The following PCDHA6 variants were observed in gnomAD, a reference collection of about 807,000 sequenced individuals.
The protein encoded by PCDHA6 is protocadherin alpha 6, also known as protocadherin alpha-6.
PCDHA6 carries 55 observed loss-of-function variants against 60.3 expected under a neutral mutation model. That is an observed-to-expected ratio of 0.91 (90% confidence interval 0.73 to 1.14). The LOEUF (loss-of-function observed/expected upper bound fraction) is 1.14. Ranked by LOEUF, PCDHA6 falls within the 50% of genes most tolerant of loss-of-function variation. The pLI, the probability that PCDHA6 is intolerant of heterozygous loss-of-function variation, is 0.00. For synonymous variants in PCDHA6, 652 were observed against 557.9 expected (o/e 1.17, Z -2.38); for missense variants, 1,327 against 1,256.5 (o/e 1.06, Z -0.85).
intron 1 of PCDHA6, chr5:140,883,811 G>A: frequency 6.2e-7 from 1 of 1,612,586 alleles, no homozygotes; most frequent in African/African-American, 1.3e-5. Context: ...CGCGGAGAGC[G>A]GCAAGGTGTA....
At position 140,829,598 on chromosome 5, in the gene PCDHA6, G is replaced by T. The variant is rs2150170888; in HGVS notation, c.1507G>T (p.Ala503Ser). Reference protein sequence around the residue: ...SLVERRVGERALSSYISVHAE... With the variant: ...SLVERRVGERSLSSYISVHAE... ...GGTGGAGCGGCGGGTGGGCGAGCGC[G>T]CGTTGTCGAGCTACATTTCGGTGCA... is the stretch of plus-strand genomic sequence containing the variant. Residue 503 changes from alanine to serine, a missense_variant, in exon 1 of 4, where the codon GCG becomes TCG. Coordinates refer to ENST00000529310, the MANE Select transcript of PCDHA6 (RefSeq NM_018909.4). 6 of 1,611,956 alleles carry T rather than the reference G, an allele frequency of 3.7e-6. No individual in the cohort carries two copies. Among genetic ancestry groups the T allele is most frequent in the East Asian group, 2.2e-5 (1 of 44,876 alleles).
chr5:140,862,289 G>T (rs782742229), intron 1 of PCDHA6: 4 of 264,626 alleles, frequency 1.5e-5, no homozygotes, highest in Non-Finnish European at 3.0e-5. Context: ...TGTACAGGAG[G>T]ACGCTCCACT....
intron 3 of PCDHA6, among the ~76,000 whole-genome samples, chr5:140,997,525 A>G (rs1293979369): frequency 6.6e-6 from 1 of 152,242 alleles, no homozygotes; most frequent in African/African-American, 2.4e-5. Flanking sequence ...AAAAAGTACA[A>G]TAAAAATACA....
Position 140,852,281 on chromosome 5 carries a change from T to C in PCDHA6, c.2394+21796T>C, listed in dbSNP as rs2150514779. ...ATGCTACAATATTACATGTTTTTTG[T>C]CTTTTTATTTTTCTGAGACGGAGTC... On this transcript the variant is annotated intron_variant, in intron 1 of 3. Coordinates refer to ENST00000529310, the MANE Select transcript of PCDHA6 (RefSeq NM_018909.4). 5.5e-5 allele frequency: 28 copies of C among 508,306 alleles called. 1 individual carries two copies. In the South Asian group the frequency reaches 2.0e-3, roughly 37 times the overall value. 31.5% of individuals were successfully genotyped at this position (508,306 alleles called of 1,614,324 possible).
intron 1 of PCDHA6, among the ~76,000 whole-genome samples, chr5:140,897,090 C>G (rs1420408825): frequency 6.6e-6 from 1 of 151,950 alleles, no homozygotes; most frequent in Non-Finnish European, 1.5e-5. Context: ...ATTTTTTATC[C>G]TCATTAAAAA....
rs2150472537 is a variant in PCDHA6, at chr5:140,850,195, C to T, written c.2394+19710C>T. 8.8e-6 allele frequency: 14 copies of T among 1,593,610 alleles called. 2 individuals are homozygous for T. In the South Asian group the frequency reaches 1.5e-4, roughly 18 times the overall value. The stretch of plus-strand genomic sequence containing the variant: ...AACGACAATGCGCCGGCGCTGCTGA[C>T]ACCTCGGATGAGGGGCACTGACGGC... On this transcript the variant is annotated intron_variant, in intron 1 of 3. Transcript: ENST00000529310.
chr5:141,009,116 T>C (rs1382527068), intron 3 of PCDHA6, among the ~76,000 whole-genome samples: 1 of 152,236 alleles, frequency 6.6e-6, no homozygotes, highest in African/African-American at 2.4e-5. Flanking sequence ...TGAAACTAGA[T>C]TCTTGGTATC....
intron 1 of PCDHA6, among the ~76,000 whole-genome samples, chr5:140,896,330 A>C (rs1435351695): frequency 1.3e-5 from 2 of 152,170 alleles, no homozygotes. Flanking sequence ...CAGTGGCTAA[A>C]CTAATTTATA....
intron 1 of PCDHA6, among the ~76,000 whole-genome samples, chr5:140,889,158 T>A (rs2062123549): frequency 6.6e-6 from 1 of 151,892 alleles, no homozygotes; most frequent in Non-Finnish European, 1.5e-5. Context: ...TCTTCTTTGT[T>A]AAGTATTCAA....
intron 1 of PCDHA6, among the ~76,000 whole-genome samples, chr5:140,917,131 G>C (rs572644426): frequency 6.6e-6 from 1 of 152,072 alleles, no homozygotes; most frequent in Non-Finnish European, 1.5e-5. Flanking sequence ...GACTCCCCAC[G>C]TTGCTCAGCT....
intron 1 of PCDHA6, among the ~76,000 whole-genome samples, chr5:140,900,339 G>A (rs1019458960): frequency 7.2e-5 from 11 of 151,812 alleles, no homozygotes; most frequent in East Asian, 2.0e-4. Context: ...GTACCGTGGC[G>A]CAATCTTGGC....
intron 1 of PCDHA6, chr5:140,836,599 T>A (rs1166723338): frequency 6.2e-7 from 1 of 1,613,608 alleles, no homozygotes; most frequent in Admixed American, 1.7e-5. Context: ...AAGCCCACTC[T>A]GGTGTGCTCC....
chr5:140,861,631 C>G (rs960525062), intron 1 of PCDHA6: 2 of 314,942 alleles, frequency 6.4e-6, no homozygotes, highest in Admixed American at 7.0e-5. Flanking sequence ...GTGTTCTCAG[C>G]AACACAAAAG....
At chr5:140,935,047 A>G (rs782161261) in intron 1 of PCDHA6, among the ~76,000 whole-genome samples, 11 of 152,140 alleles carry the variant, frequency 7.2e-5, no homozygotes, top group Admixed American at 3.3e-4. Flanking sequence ...GATTTCTGGT[A>G]TTACAAGATG....
intron 1 of PCDHA6, among the ~76,000 whole-genome samples, chr5:140,888,046 A>G (rs2061675850): frequency 6.6e-6 from 1 of 152,214 alleles, no homozygotes; most frequent in South Asian, 2.1e-4. Flanking sequence ...CATGTATAAT[A>G]GATGTTTTAA....
At chr5:140,907,872 G>A (rs1473403839) in intron 1 of PCDHA6, among the ~76,000 whole-genome samples, 1 of 152,208 alleles carries the variant, frequency 6.6e-6, no homozygotes, top group Non-Finnish European at 1.5e-5. Flanking sequence ...CCGTTGGTGA[G>A]CACTCACATG....
chr5:140,889,034 T>A (rs1554183750), intron 1 of PCDHA6, among the ~76,000 whole-genome samples: 4 of 152,080 alleles, frequency 2.6e-5, no homozygotes, highest in Non-Finnish European at 5.9e-5. Flanking sequence ...TAACCGTAAT[T>A]TGATTATAAT....
At chr5:140,850,689 T>A in intron 1 of PCDHA6, 2 of 1,594,932 alleles carry the variant, frequency 1.3e-6, no homozygotes, top group Non-Finnish European at 1.7e-6. Context: ...CGAGGGCGAG[T>A]GCGCGCCTGG....
intron 1 of PCDHA6, chr5:140,926,357 A>G (rs1385567779): frequency 1.3e-5 from 2 of 152,178 alleles, no homozygotes; most frequent in Admixed American, 6.5e-5. Flanking sequence ...GCGGCTCCCA[A>G]AGGGCGGCAG....
Sources: allele counts gnomAD v4.1 joint callset (sites outside exome capture counted in the v4.1 genomes callset), GRCh38; gene constraint gnomAD v4.1.1; transcripts MANE v1.5; gene names NCBI Gene and HGNC (gene_info 2026-07-23, HGNC 2026-07-21).